Variants in GRID2 observed in about 807,000 individuals in gnomAD.
GRID2 encodes the protein glutamate ionotropic receptor delta type subunit 2, also known as glutamate receptor ionotropic, delta-2.
GRID2 carries 33 observed loss-of-function variants against 114.8 expected under a neutral mutation model. The observed-to-expected ratio is 0.29, with a 90% CI of 0.22 to 0.38. The LOEUF is 0.38. Among genes scored for constraint, GRID2 ranks in the 10% least tolerant of loss-of-function variants. GRID2 has a pLI of 1.00. For synonymous variants in GRID2, 505 were observed against 449.9 expected (o/e 1.12, Z -1.55); for missense variants, 1,184 against 1,257.7 (o/e 0.94, Z 0.89).
intron 2 of GRID2, among the ~76,000 whole-genome samples, chr4:92,999,759 A>T (rs1429870629): frequency 6.6e-6 from 1 of 151,628 alleles, no homozygotes; most frequent in Non-Finnish European, 1.5e-5. Context: ...GCCATAAGAT[A>T]TATAATTGCT....
intron 2 of GRID2, among the ~76,000 whole-genome samples, chr4:92,949,165 T>A (rs985698374): frequency 7.4e-4 from 111 of 150,558 alleles, no homozygotes; most frequent in African/African-American, 2.3e-3. Flanking sequence ...TGTGTGTGTG[T>A]GAGAGAGAGA....
At position 92,964,378 on chromosome 4, in the gene GRID2, C is replaced by T. The variant is rs574184012; in HGVS notation, c.245-120617C>T. 1.4e-4 allele frequency among the ~76,000 whole-genome samples: 22 copies of T among 151,886 alleles called. No individual in the cohort carries two copies. In the South Asian group the frequency reaches 1.5e-3, roughly 10 times the overall value. On this transcript the variant is annotated intron_variant, in intron 2 of 15. Coordinates refer to ENST00000282020, the MANE Select transcript of GRID2 (RefSeq NM_001510.4). ...GACAAGGGAGGGGAACATCACACAC[C>T]GGGCCCTGTCAGGCATAGGGGACAA...
intron 1 of GRID2, among the ~76,000 whole-genome samples, chr4:92,528,890 A>G (rs1303858490): frequency 6.6e-6 from 1 of 151,962 alleles, no homozygotes; most frequent in Non-Finnish European, 1.5e-5. Context: ...ATATGAGCAA[A>G]GAAGTAGGAA....
At chr4:92,450,887 A>G (rs1214166863) in intron 1 of GRID2, among the ~76,000 whole-genome samples, 2 of 145,752 alleles carry the variant, frequency 1.4e-5, no homozygotes, top group African/African-American at 5.1e-5. Flanking sequence ...GTTTAAATAA[A>G]TATTCAAATA....
At chr4:92,838,868 T>C (rs994694908) in intron 2 of GRID2, 3 of 151,986 alleles carry the variant, frequency 2.0e-5, no homozygotes, top group Admixed American at 6.6e-5. Context: ...TCCTCTCAGA[T>C]CTCTATTACC....
intron 12 of GRID2, among the ~76,000 whole-genome samples, chr4:93,500,568 TC>T (rs1239060848): frequency 6.6e-6 from 1 of 152,008 alleles, no homozygotes; most frequent in African/African-American, 2.4e-5. Flanking sequence ...TTACAGTCTA[TC>T]TTGCTGAGGG....
chr4:93,093,039 T>A (rs985231628), intron 3 of GRID2, among the ~76,000 whole-genome samples: 4 of 152,024 alleles, frequency 2.6e-5, no homozygotes, highest in African/African-American at 9.7e-5. Context: ...GTCAGCAAAG[T>A]CATCACCATT....
At chr4:93,253,470 T>C (rs1374873916) in intron 8 of GRID2, among the ~76,000 whole-genome samples, 1 of 152,128 alleles carries the variant, frequency 6.6e-6, no homozygotes, top group African/African-American at 2.4e-5. Context: ...ATTTTAATTA[T>C]AATTAATGTA....
intron 2 of GRID2, among the ~76,000 whole-genome samples, chr4:92,939,661 A>G (rs1435805043): frequency 6.8e-6 from 1 of 147,048 alleles, no homozygotes; most frequent in African/African-American, 2.4e-5. Flanking sequence ...CCTGAATGGT[A>G]TTGCCTAGGT....
chr4:93,615,839 G>C (rs1051290796), intron 13 of GRID2, among the ~76,000 whole-genome samples: 1 of 151,886 alleles, frequency 6.6e-6, no homozygotes, highest in African/African-American at 2.4e-5. Flanking sequence ...GGTGCAGTCA[G>C]TTCATCCTTT....
At chr4:92,921,437 G>A (rs1441916714) in intron 2 of GRID2, among the ~76,000 whole-genome samples, 2 of 151,964 alleles carry the variant, frequency 1.3e-5, no homozygotes, top group Admixed American at 6.6e-5. Context: ...GATTTTTAGA[G>A]TTTCCAGTTT....
chr4:93,539,413 C>G (rs1481372724), intron 13 of GRID2, among the ~76,000 whole-genome samples: 1 of 151,950 alleles, frequency 6.6e-6, no homozygotes, highest in African/African-American at 2.4e-5. Flanking sequence ...AAGCTTTTCT[C>G]CATTGTCTAA....
intron 3 of GRID2, among the ~76,000 whole-genome samples, chr4:93,088,960 T>TAG (rs1730554470): frequency 6.6e-6 from 1 of 152,148 alleles, no homozygotes; most frequent in African/African-American, 2.4e-5. Flanking sequence ...GCTAATCTAA[T>TAG]AGAGAACATT....
intron 8 of GRID2, among the ~76,000 whole-genome samples, chr4:93,262,151 CT>C (rs1342693915): frequency 6.6e-6 from 1 of 151,768 alleles, no homozygotes; most frequent in Non-Finnish European, 1.5e-5. Context: ...ATATCAGTTA[CT>C]ATATTTGAGC....
At position 92,999,793 on chromosome 4, in the gene GRID2, A is replaced by G. The variant is rs199645061; in HGVS notation, c.245-85202A>G. On this transcript the variant is annotated intron_variant, in intron 2 of 15. Coordinates refer to ENST00000282020, the MANE Select transcript of GRID2 (RefSeq NM_001510.4). ...CTGGGATTAAGAGCATAAATTTGTT[A>G]GATTGCTGATACATGCTGTCGAATT... Among the ~76,000 whole-genome samples the G allele has an allele frequency of 4.0e-5, 6 of 151,772 alleles. No homozygotes were observed. The East Asian group carries it at 1.2e-3, about 29-fold the overall frequency.
intron 2 of GRID2, among the ~76,000 whole-genome samples, chr4:92,743,145 T>G (rs12500035): frequency 0.3 from 46,239 of 151,892 alleles, 7,655 homozygotes; most frequent in Middle Eastern, 0.48. Flanking sequence ...GGTATGATAG[T>G]GTTTTCATGT....
chr4:93,226,461 T>C (rs1238888673), intron 7 of GRID2, among the ~76,000 whole-genome samples: 3 of 152,274 alleles, frequency 2.0e-5, no homozygotes, highest in South Asian at 4.1e-4. Context: ...AAAAATAATA[T>C]TAAGTCATAA....
chr4:93,316,320 G>GAAAGAAAGAAAA (rs1553907418), intron 8 of GRID2, among the ~76,000 whole-genome samples: 14 of 93,058 alleles, frequency 1.5e-4, no homozygotes, highest in Non-Finnish European at 3.9e-4. Context: ...AAGAAAGAAA[G>GAAAGAAAGAAAA]AAAGAAAGAA....
intron 2 of GRID2, among the ~76,000 whole-genome samples, chr4:92,679,682 CAA>C (rs1733550996): frequency 1.3e-5 from 2 of 151,840 alleles, no homozygotes; most frequent in Non-Finnish European, 2.9e-5. Context: ...ATTTTATACT[CAA>C]ATTTATTTAG....
Sources: allele counts gnomAD v4.1 joint callset (sites outside exome capture counted in the v4.1 genomes callset), GRCh38; gene constraint gnomAD v4.1.1; transcripts MANE v1.5; gene names NCBI Gene and HGNC (gene_info 2026-07-23, HGNC 2026-07-21).